The following RGS6 variants were observed in gnomAD, a reference collection of about 807,000 sequenced individuals.
RGS6 encodes the protein regulator of G-protein signaling 6.
RGS6 carries 30 observed loss-of-function variants against 78.5 expected under a neutral mutation model. The ratio of observed to expected loss-of-function variants is 0.38; its 90% CI spans 0.29 to 0.52. RGS6 has a LOEUF of 0.52. Among genes scored for constraint, RGS6 ranks in the 20% least tolerant of loss-of-function variants. The pLI is 0.85. For synonymous variants in RGS6, 206 were observed against 206.0 expected, an observed-to-expected ratio of 1.00 and a Z score of 0.00; for missense variants, 495 against 609.7, an observed-to-expected ratio of 0.81 and a Z score of 1.98.
chr14:72,512,065 C>A (rs1392037517), intron 14 of RGS6, among the ~76,000 whole-genome samples: 1 of 152,142 alleles, frequency 6.6e-6, no homozygotes, highest in Non-Finnish European at 1.5e-5. Flanking sequence ...GTTTCCACCC[C>A]CTCCATGGTC....
At chr14:72,022,750 A>T (rs58117647) in intron 2 of RGS6, among the ~76,000 whole-genome samples, 7,200 of 152,188 alleles carry the variant, frequency 0.047, 256 homozygotes, top group African/African-American at 0.09. Context: ...TCCTATTATC[A>T]GTGGGATAAA....
At chr14:72,440,255 C>A (rs1454327857) in intron 3 of RGS6, among the ~76,000 whole-genome samples, 1 of 152,158 alleles carries the variant, frequency 6.6e-6, no homozygotes, top group Non-Finnish European at 1.5e-5. Context: ...GAAAATAATG[C>A]AGTTTGCTCA....
intron 3 of RGS6, among the ~76,000 whole-genome samples, chr14:72,386,596 A>G (rs903305589): frequency 6.6e-6 from 1 of 152,112 alleles, no homozygotes. Context: ...GCATTTGTAC[A>G]CAAATGAGTC....
intron 2 of RGS6, among the ~76,000 whole-genome samples, chr14:72,292,503 G>A (rs1184180764): frequency 6.6e-6 from 1 of 152,220 alleles, no homozygotes; most frequent in African/African-American, 2.4e-5. Context: ...AGAGGGAAAT[G>A]AGTTGGTCCT....
chr14:72,242,683 A>G (rs2053173688), intron 2 of RGS6, among the ~76,000 whole-genome samples: 2 of 152,178 alleles, frequency 1.3e-5, no homozygotes, highest in Non-Finnish European at 2.9e-5. Context: ...TATTACAGAT[A>G]TGAATATATT....
the RGS6 span, among the ~76,000 whole-genome samples, chr14:72,573,228 G>A: frequency 6.6e-6 from 1 of 152,168 alleles, no homozygotes; most frequent in Non-Finnish European, 1.5e-5. Context: ...GCATAAGAGA[G>A]CTATTCACAC....
intron 3 of RGS6, among the ~76,000 whole-genome samples, chr14:72,414,633 G>T (rs1026430493): frequency 6.6e-6 from 1 of 152,192 alleles, no homozygotes; most frequent in Non-Finnish European, 1.5e-5. Context: ...AGGAGGAGAG[G>T]TGCTCTGATT....
At chr14:72,154,066 C>T (rs1032074325) in intron 2 of RGS6, among the ~76,000 whole-genome samples, 11 of 152,098 alleles carry the variant, frequency 7.2e-5, no homozygotes, top group Admixed American at 3.3e-4. Flanking sequence ...GGAATGCATT[C>T]GTTTCCTAGC....
the RGS6 span, among the ~76,000 whole-genome samples, chr14:71,913,377 G>T: frequency 6.6e-6 from 1 of 152,182 alleles, no homozygotes; most frequent in Non-Finnish European, 1.5e-5. Context: ...CCTGGAAGCT[G>T]CACTCCCCAG....
At chr14:72,014,513 A>T (rs1017324465) in intron 2 of RGS6, among the ~76,000 whole-genome samples, 1 of 152,216 alleles carries the variant, frequency 6.6e-6, no homozygotes, top group African/African-American at 2.4e-5. Context: ...AAGTGCAACA[A>T]CTGAGGTGGG....
At chr14:72,203,367 G>A (rs2042006811) in intron 2 of RGS6, among the ~76,000 whole-genome samples, 1 of 152,198 alleles carries the variant, frequency 6.6e-6, no homozygotes, top group African/African-American at 2.4e-5. Flanking sequence ...GTTAATAGCT[G>A]TTAGTTATCT....
At chr14:71,962,717 T>C (rs1046797370) in intron 1 of RGS6, among the ~76,000 whole-genome samples, 1 of 152,204 alleles carries the variant, frequency 6.6e-6, no homozygotes, top group African/African-American at 2.4e-5. Flanking sequence ...TTAAAAAACA[T>C]TGTAATTTAT....
At chr14:72,196,985 A>G (rs973973100) in intron 2 of RGS6, among the ~76,000 whole-genome samples, 5 of 152,218 alleles carry the variant, frequency 3.3e-5, no homozygotes, top group Non-Finnish European at 5.9e-5. Context: ...GACCAATGAG[A>G]ATGAAAGAAA....
intron 2 of RGS6, among the ~76,000 whole-genome samples, chr14:72,262,914 T>A (rs914822218): frequency 2.6e-5 from 4 of 152,082 alleles, no homozygotes; most frequent in Non-Finnish European, 4.4e-5. Flanking sequence ...AGGAGGGTCC[T>A]TTTCCTGTGG....
At chr14:72,258,407 G>C (rs532394657) in intron 2 of RGS6, among the ~76,000 whole-genome samples, 1 of 152,326 alleles carries the variant, frequency 6.6e-6, no homozygotes, top group East Asian at 1.9e-4. Flanking sequence ...GGAGCATGCT[G>C]TACTGCACAA....
intron 2 of RGS6, among the ~76,000 whole-genome samples, chr14:72,330,107 G>A (rs1413206518): frequency 6.6e-6 from 1 of 152,256 alleles, no homozygotes; most frequent in Non-Finnish European, 1.5e-5. Flanking sequence ...TATTTCTCCA[G>A]CATCAGGGGT....
At chr14:71,959,728 A>T (rs1343960703) in intron 1 of RGS6, among the ~76,000 whole-genome samples, 1 of 152,180 alleles carries the variant, frequency 6.6e-6, no homozygotes, top group Non-Finnish European at 1.5e-5. Flanking sequence ...ATTGAATCTG[A>T]TGCCAGTGGC....
chr14:71,984,138 G>C (rs1436248796), intron 2 of RGS6, among the ~76,000 whole-genome samples: 1 of 152,002 alleles, frequency 6.6e-6, no homozygotes, highest in African/African-American at 2.4e-5. Context: ...TTAATCATCA[G>C]AATAGCTTGC....
chr14:72,478,792 C>G (rs1049683234), intron 12 of RGS6, among the ~76,000 whole-genome samples: 1 of 152,226 alleles, frequency 6.6e-6, no homozygotes, highest in Non-Finnish European at 1.5e-5. Flanking sequence ...AACCACTGAA[C>G]TGCATCGAAT....
Sources: allele counts gnomAD v4.1 joint callset (sites outside exome capture counted in the v4.1 genomes callset), GRCh38; gene constraint gnomAD v4.1.1; transcripts MANE v1.5; gene names NCBI Gene and HGNC (gene_info 2026-07-23, HGNC 2026-07-21).